ZNF804A: variants seen among roughly 807,000 people sequenced by gnomAD.
ZNF804A encodes the protein zinc finger protein 804A.
A neutral mutation model predicts 16.5 loss-of-function variants in ZNF804A; 2 were observed. The observed-to-expected ratio is 0.12, with a 90% CI of 0.05 to 0.38. ZNF804A has a LOEUF of 0.38. Ranked by LOEUF, ZNF804A falls within the 10% of genes least tolerant of loss-of-function variation. The pLI is 0.99. For missense variants in ZNF804A, 1,473 were observed against 1,390.7 expected (o/e 1.06, Z -0.94); for synonymous variants, 534 against 489.6 (o/e 1.09, Z -1.20).
chr2:184,938,313 T>C lies in ZNF804A; in HGVS notation c.2917T>C (p.Tyr973His). ...ACAGCCTAAATCCTATCTTTGCCAT[T>C]ATGAACTGGCTGAGGCCCTTCCACA... ...QSQPKSYLCH[Y>H]ELAEALPQGK... Residue 973 changes from tyrosine (Y) to histidine (H), a missense_variant, in exon 4 of 4, where the codon TAT (tyrosine) becomes CAT (histidine). Coordinates refer to ENST00000302277, the MANE Select transcript of ZNF804A (RefSeq NM_194250.2). The C allele has an allele frequency of 6.2e-7, 1 of 1,614,162 alleles. No individual in the cohort carries two copies. Among genetic ancestry groups the C allele is most frequent in the Non-Finnish European group, 8.5e-7 (1 of 1,180,028 alleles).
At chr2:184,681,643 C>T (rs575648614) in intron 1 of ZNF804A, among the ~76,000 whole-genome samples, 5 of 152,316 alleles carry the variant, frequency 3.3e-5, no homozygotes, top group East Asian at 1.9e-4. Context: ...TGATGGCATC[C>T]GCAGCCTGTC....
chr2:184,773,253 A>AT (rs1360292736), intron 1 of ZNF804A, among the ~76,000 whole-genome samples: 1 of 151,682 alleles, frequency 6.6e-6, no homozygotes, highest in East Asian at 2.0e-4. Context: ...GTTCTTTTAG[A>AT]TTTTTGTTTG....
intron 1 of ZNF804A, among the ~76,000 whole-genome samples, chr2:184,657,237 C>A (rs1212626849): frequency 6.6e-6 from 1 of 152,034 alleles, no homozygotes; most frequent in Non-Finnish European, 1.5e-5. Context: ...AGGCATACAC[C>A]CCAATGCCTG....
chr2:184,660,929 T>C (rs1351619530), intron 1 of ZNF804A, among the ~76,000 whole-genome samples: 1 of 152,234 alleles, frequency 6.6e-6, no homozygotes, highest in Admixed American at 6.5e-5. Context: ...CTCATTAATA[T>C]TGAGTATGTC....
intron 1 of ZNF804A, among the ~76,000 whole-genome samples, chr2:184,796,756 G>A (rs1379302291): frequency 6.6e-6 from 1 of 151,998 alleles, no homozygotes. Flanking sequence ...TTTGATGTAG[G>A]CATTTAGGGC....
At chr2:184,690,088 A>G (rs1324977214) in intron 1 of ZNF804A, among the ~76,000 whole-genome samples, 10 of 151,934 alleles carry the variant, frequency 6.6e-5, no homozygotes, top group Admixed American at 6.6e-4. Context: ...CATGAATTCT[A>G]AGATTTATAA....
intron 1 of ZNF804A, among the ~76,000 whole-genome samples, chr2:184,779,765 A>C (rs1694345459): frequency 6.6e-6 from 1 of 151,706 alleles, no homozygotes. Flanking sequence ...TCAGAATGGA[A>C]CGCAACTCCG....
intron 1 of ZNF804A, among the ~76,000 whole-genome samples, chr2:184,621,271 T>C (rs359883): frequency 0.031 from 4,765 of 151,800 alleles, 253 homozygotes; most frequent in African/African-American, 0.11. Flanking sequence ...AACTTAGAAA[T>C]TGTAACAAAT....
chr2:184,795,313 C>T (rs1478125759), intron 1 of ZNF804A, among the ~76,000 whole-genome samples: 8 of 151,868 alleles, frequency 5.3e-5, no homozygotes, highest in Admixed American at 5.3e-4. Context: ...ATCTGCTCCT[C>T]ATTAAGCACT....
chr2:184,694,480 T>C (rs576481928), intron 1 of ZNF804A, among the ~76,000 whole-genome samples: 1 of 152,306 alleles, frequency 6.6e-6, no homozygotes, highest in Non-Finnish European at 1.5e-5. Context: ...TACAGATAGA[T>C]ACATATTTCT....
intron 1 of ZNF804A, among the ~76,000 whole-genome samples, chr2:184,778,515 T>C (rs1430355554): frequency 6.6e-6 from 1 of 151,648 alleles, no homozygotes; most frequent in Non-Finnish European, 1.5e-5. Flanking sequence ...AGATGGAATT[T>C]TCAGGGAATG....
At chr2:184,694,468 C>T (rs1435273987) in intron 1 of ZNF804A, among the ~76,000 whole-genome samples, 1 of 152,040 alleles carries the variant, frequency 6.6e-6, no homozygotes, top group Non-Finnish European at 1.5e-5. Context: ...TGGTATATAA[C>T]ATACAGATAG....
intron 2 of ZNF804A, among the ~76,000 whole-genome samples, chr2:184,870,345 T>C (rs928773554): frequency 6.6e-6 from 1 of 152,020 alleles, no homozygotes; most frequent in Non-Finnish European, 1.5e-5. Flanking sequence ...TGGGATACCA[T>C]AGGAGACGTA....
At position 184,726,490 on chromosome 2, in the gene ZNF804A, G is replaced by A. The variant is rs116843446; in HGVS notation, c.111+127420G>A. Reference sequence around the variant, plus strand: ...TCTGCTACATTATCAGAGAACTGTCGAAATTCAGAGAGAAAAAAAAATGTA... The same window carrying A: ...TCTGCTACATTATCAGAGAACTGTCAAAATTCAGAGAGAAAAAAAAATGTA... On this transcript the variant is annotated intron_variant, in intron 1 of 3. Coordinates refer to ENST00000302277, the MANE Select transcript of ZNF804A (RefSeq NM_194250.2). Among the ~76,000 whole-genome samples, 271 of 151,324 alleles carry A rather than the reference G, an allele frequency of 1.8e-3. 5 individuals carry two copies. The Middle Eastern group carries it at 0.027, about 15-fold the overall frequency.
intron 1 of ZNF804A, among the ~76,000 whole-genome samples, chr2:184,859,110 G>A (rs974434726): frequency 1.3e-5 from 2 of 151,946 alleles, no homozygotes; most frequent in African/African-American, 2.4e-5. Flanking sequence ...ATTTTTGACA[G>A]TTGGAGATCT....
rs143172893 is a variant in ZNF804A at position 184,740,592 on chromosome 2, G to A, written c.112-125777G>A. ...AAACTTTTAGAAAGATGATAGCTGT[G>A]AGAAACAGAGCTGGGATAGAAGTTA... is the stretch of plus-strand genomic sequence containing the variant. On this transcript the variant is annotated intron_variant, in intron 1 of 3. Coordinates refer to ENST00000302277, the MANE Select transcript of ZNF804A (RefSeq NM_194250.2). 2.0e-3 allele frequency among the ~76,000 whole-genome samples: 304 copies of A among 152,278 alleles called. 1 individual carries two copies. The highest frequency in any genetic ancestry group is 3.4e-3 in the Non-Finnish European group (229 of 68,018).
At chr2:184,857,873 A>G (rs1695727079) in intron 1 of ZNF804A, among the ~76,000 whole-genome samples, 1 of 152,160 alleles carries the variant, frequency 6.6e-6, no homozygotes, top group Non-Finnish European at 1.5e-5. Flanking sequence ...TCTTAAAGGA[A>G]GCACATAGTT....
chr2:184,683,922 T>C (rs1692583278), intron 1 of ZNF804A, among the ~76,000 whole-genome samples: 1 of 152,216 alleles, frequency 6.6e-6, no homozygotes, highest in African/African-American at 2.4e-5. Context: ...CTAGATAGCA[T>C]CCTCTATTGT....
intron 1 of ZNF804A, among the ~76,000 whole-genome samples, chr2:184,822,432 G>A (rs2105791600): frequency 6.6e-6 from 1 of 152,082 alleles, no homozygotes; most frequent in East Asian, 1.9e-4. Flanking sequence ...AATAGCTAAT[G>A]GATGCTGGAC....
Sources: gnomAD v4.1 joint callset for allele counts (sites outside exome capture counted in the v4.1 genomes callset) on GRCh38, gnomAD v4.1.1 for gene constraint, MANE v1.5 for transcripts, NCBI Gene and HGNC (gene_info 2026-07-23, HGNC 2026-07-21) for gene names.